NKAIN2: variants seen among roughly 807,000 people sequenced by gnomAD.
NKAIN2 encodes the protein sodium/potassium transporting ATPase interacting 2, also known as sodium/potassium-transporting ATPase subunit beta-1-interacting protein 2.
NKAIN2 carries 14 observed loss-of-function variants against 32.6 expected under a neutral mutation model. The observed-to-expected ratio is 0.43, with a 90% confidence interval of 0.28 to 0.67. The LOEUF (loss-of-function observed/expected upper bound fraction) is 0.67. Among genes scored for constraint, NKAIN2 ranks in the 30% least tolerant of loss-of-function variants. The probability of loss-of-function intolerance (pLI) is 0.17; values close to 1 mark genes in which losing one functional copy is unlikely to be tolerated. For missense variants in NKAIN2, 198 were observed against 258.3 expected, an observed-to-expected ratio of 0.77 and a Z score of 1.60; for synonymous variants, 80 against 87.2, an observed-to-expected ratio of 0.92 and a Z score of 0.46.
At chr6:124,003,905 T>C (rs1025023965) in intron 1 of NKAIN2, among the ~76,000 whole-genome samples, 10 of 152,108 alleles carry the variant, frequency 6.6e-5, no homozygotes, top group African/African-American at 2.2e-4. Flanking sequence ...TCAGGCCAGA[T>C]TGCCAGACTT....
chr6:124,594,783 G>T (rs1583490855), intron 3 of NKAIN2, among the ~76,000 whole-genome samples: 1 of 152,126 alleles, frequency 6.6e-6, no homozygotes, highest in Non-Finnish European at 1.5e-5. Flanking sequence ...GCATGGAGGA[G>T]AGGAGGGAAA....
At chr6:124,095,020 G>A (rs569763232) in intron 1 of NKAIN2, among the ~76,000 whole-genome samples, 1 of 152,068 alleles carries the variant, frequency 6.6e-6, no homozygotes, top group Non-Finnish European at 1.5e-5. Flanking sequence ...GTAAAATTGA[G>A]ACATTAAAAA....
At chr6:124,196,757 G>T (rs1430072226) in intron 1 of NKAIN2, among the ~76,000 whole-genome samples, 1 of 151,874 alleles carries the variant, frequency 6.6e-6, no homozygotes, top group Non-Finnish European at 1.5e-5. Flanking sequence ...AGATCAATCA[G>T]TGTCTAATAT....
At chr6:124,646,306 A>G (rs948672547) in intron 3 of NKAIN2, among the ~76,000 whole-genome samples, 1 of 152,276 alleles carries the variant, frequency 6.6e-6, no homozygotes, top group Non-Finnish European at 1.5e-5. Flanking sequence ...TAAAAATTTT[A>G]AAATAGTTCA....
At chr6:124,645,225 G>T (rs1393170662) in intron 3 of NKAIN2, among the ~76,000 whole-genome samples, 1 of 152,074 alleles carries the variant, frequency 6.6e-6, no homozygotes, top group Admixed American at 6.5e-5. Context: ...TACAAATTTG[G>T]CAGGTAACAT....
intron 4 of NKAIN2, among the ~76,000 whole-genome samples, chr6:124,687,319 A>AAT (rs1157956800): frequency 7.1e-6 from 1 of 141,672 alleles, no homozygotes; most frequent in Admixed American, 7.1e-5. Context: ...ATATATATGT[A>AAT]ATATATATAT....
At chr6:124,632,149 A>T (rs2114312491) in intron 3 of NKAIN2, among the ~76,000 whole-genome samples, 1 of 152,318 alleles carries the variant, frequency 6.6e-6, no homozygotes, top group East Asian at 1.9e-4. Flanking sequence ...TAATTTGATT[A>T]CAGCTGTGAA....
intron 1 of NKAIN2, among the ~76,000 whole-genome samples, chr6:124,023,812 A>G (rs974987415): frequency 3.3e-5 from 5 of 152,156 alleles, no homozygotes; most frequent in African/African-American, 1.2e-4. Flanking sequence ...ACAGGATGTG[A>G]AGGCAAATAG....
At chr6:124,466,325 T>C (rs1776753720) in intron 3 of NKAIN2, among the ~76,000 whole-genome samples, 1 of 152,300 alleles carries the variant, frequency 6.6e-6, no homozygotes. Context: ...GAGCCTCCTG[T>C]AAAATGTAAG....
In NKAIN2 at chr6:123,908,302, G is replaced by T. The variant is rs377446069; in HGVS notation, c.54+104048G>T. On this transcript the variant is annotated intron_variant, in intron 1 of 6. Coordinates refer to ENST00000368417, the MANE Select transcript of NKAIN2 (RefSeq NM_001040214.3). ...CCTCCTTAAGATTTGCTAGAAGTCT[G>T]CTTCAGAATGTTTCTTGTTGAATAA... is the stretch of plus-strand genomic sequence containing the variant. Among the ~76,000 whole-genome samples the T allele has an allele frequency of 3.0e-4, 45 of 152,208 alleles. 1 individual carries two copies. Among genetic ancestry groups the T allele is most frequent in the African/African-American group, 1.1e-3 (44 of 41,554 alleles).
intron 1 of NKAIN2, among the ~76,000 whole-genome samples, chr6:124,027,272 T>A (rs1361508881): frequency 6.6e-6 from 1 of 151,908 alleles, no homozygotes; most frequent in Non-Finnish European, 1.5e-5. Flanking sequence ...CCCAAGTAGC[T>A]AGGATTACAG....
Position 123,984,894 on chromosome 6 carries a change from G to A in NKAIN2, c.54+180640G>A, listed in dbSNP as rs57590856. 4.3e-3 allele frequency among the ~76,000 whole-genome samples: 648 copies of A among 152,120 alleles called. 10 individuals are homozygous for A. Among genetic ancestry groups the A allele is most frequent in the African/African-American group, 0.015 (622 of 41,496 alleles). On this transcript the variant is annotated intron_variant, in intron 1 of 6. Transcript: ENST00000368417. The stretch of plus-strand genomic sequence containing the variant: ...AAATATAAGATTTAACATTCAATAA[G>A]CAAAATTATGACATAAAAATTAAAA...
At chr6:124,058,265 G>T (rs1782760557) in intron 1 of NKAIN2, among the ~76,000 whole-genome samples, 1 of 146,840 alleles carries the variant, frequency 6.8e-6, no homozygotes, top group Non-Finnish European at 1.5e-5. Flanking sequence ...TAGAGAATGA[G>T]AAAAAGCTTA....
chr6:124,564,095 C>T (rs570310949), intron 3 of NKAIN2, among the ~76,000 whole-genome samples: 2 of 152,256 alleles, frequency 1.3e-5, no homozygotes, highest in African/African-American at 2.4e-5. Flanking sequence ...ACATTCCACA[C>T]TGGGTTTGAG....
chr6:123,948,633 G>A (rs1435974352), intron 1 of NKAIN2, among the ~76,000 whole-genome samples: 1 of 56,208 alleles, frequency 1.8e-5, no homozygotes, highest in Non-Finnish European at 3.4e-5. Context: ...TTTTTTTGCT[G>A]TTGAGTTCCT....
At chr6:124,505,157 G>C (rs957217268) in intron 3 of NKAIN2, among the ~76,000 whole-genome samples, 2 of 152,016 alleles carry the variant, frequency 1.3e-5, no homozygotes, top group Non-Finnish European at 2.9e-5. Flanking sequence ...TAGGCCAAAG[G>C]GTTCTGAAAT....
intron 1 of NKAIN2, among the ~76,000 whole-genome samples, chr6:123,919,489 A>G (rs564441249): frequency 1.2e-4 from 19 of 152,258 alleles, no homozygotes; most frequent in African/African-American, 4.6e-4. Context: ...TTCCAAAAGT[A>G]ATTAGCTGTT....
intron 1 of NKAIN2, among the ~76,000 whole-genome samples, chr6:124,267,792 G>A (rs1794571916): frequency 1.3e-5 from 2 of 152,122 alleles, no homozygotes; most frequent in Admixed American, 6.5e-5. Flanking sequence ...ACTCATTTGT[G>A]TATGGGATAA....
intron 1 of NKAIN2, among the ~76,000 whole-genome samples, chr6:124,021,765 G>A (rs928406303): frequency 2.0e-5 from 3 of 151,764 alleles, no homozygotes; most frequent in African/African-American, 7.3e-5. Context: ...GGCCTTTGGG[G>A]CAATTTATTA....
Sources: gnomAD v4.1 joint callset for allele counts (sites outside exome capture counted in the v4.1 genomes callset) on GRCh38, gnomAD v4.1.1 for gene constraint, MANE v1.5 for transcripts, NCBI Gene and HGNC (gene_info 2026-07-23, HGNC 2026-07-21) for gene names.